TULP4: variants seen among roughly 807,000 people sequenced by gnomAD.
TULP4 encodes the protein tubby-related protein 4.
A neutral mutation model predicts 129.0 loss-of-function variants in TULP4; 16 were observed. That is an observed-to-expected ratio of 0.12 (90% confidence interval 0.08 to 0.19). The LOEUF is 0.19. Ranked by LOEUF, TULP4 falls within the 10% of genes least tolerant of loss-of-function variation. The pLI is 1.00. For missense variants in TULP4, 1,842 were observed against 2,059.1 expected, an observed-to-expected ratio of 0.89 and a Z score of 2.04; for synonymous variants, 998 against 854.0, an observed-to-expected ratio of 1.17 and a Z score of -2.94.
intron 8 of TULP4, among the ~76,000 whole-genome samples, chr6:158,488,673 A>G (rs1245203654): frequency 2.6e-5 from 4 of 152,206 alleles, no homozygotes; most frequent in Admixed American, 2.6e-4. Context: ...TGATTGAATG[A>G]TACAGCTTTT....
At chr6:158,476,065 G>C (rs1013858871) in intron 6 of TULP4, among the ~76,000 whole-genome samples, 2 of 152,106 alleles carry the variant, frequency 1.3e-5, no homozygotes, top group African/African-American at 4.8e-5. Context: ...CAGACAAGAG[G>C]GGCAGTTCTT....
chr6:158,434,163 C>T lies in TULP4; in HGVS notation c.543+4266C>T, dbSNP rs1021953805. Among the ~76,000 whole-genome samples, 3 of 152,158 alleles carry T rather than the reference C, an allele frequency of 2.0e-5. No homozygotes were observed. The East Asian group carries it at 5.8e-4, about 29-fold the overall frequency. ...ATATTACCTCATTTAACTGTAGTTA[C>T]CTCTTTACAGGCCCCATCTCCAAAA... is the stretch of plus-strand genomic sequence containing the variant. On this transcript the variant is annotated intron_variant, in intron 3 of 13. Coordinates refer to ENST00000367097, the MANE Select transcript of TULP4 (RefSeq NM_020245.5).
intron 3 of TULP4, among the ~76,000 whole-genome samples, chr6:158,442,709 A>G (rs911630661): frequency 1.3e-5 from 2 of 152,196 alleles, no homozygotes; most frequent in South Asian, 4.1e-4. Flanking sequence ...AATGTTCCAC[A>G]GGACATTTGA....
At chr6:158,278,936 T>G (rs938736724), upstream of TULP4, among the ~76,000 whole-genome samples, 2 of 97,684 alleles carry the variant, frequency 2.0e-5, no homozygotes, top group East Asian at 3.0e-4. Flanking sequence ...TTGTTGTTTT[T>G]TTTTGTTTTT....
chr6:158,247,402 T>C (rs1190776788), intron 1 of TULP4, among the ~76,000 whole-genome samples: 6 of 152,260 alleles, frequency 3.9e-5, no homozygotes, highest in Non-Finnish European at 8.8e-5. Context: ...AGCTAGTTAC[T>C]AGTTGGAACA....
intron 3 of TULP4, 129 bp from the exon 4 acceptor site, chr6:158,448,867 G>A (rs1384407621): frequency 2.2e-6 from 2 of 916,832 alleles, no homozygotes; most frequent in African/African-American, 1.7e-5. Flanking sequence ...TCACTGTGCT[G>A]TTGTTACTTA....
rs1778010654 is a variant in TULP4, at chr6:158,408,260, A to T, written c.253-4805A>T. Among the ~76,000 whole-genome samples, 4 of 152,178 alleles carry T rather than the reference A, an allele frequency of 2.6e-5. No homozygotes were observed. In the South Asian group the frequency reaches 8.3e-4, roughly 32 times the overall value. On this transcript the variant is annotated intron_variant, in intron 1 of 13. Transcript: ENST00000367097. ...TACTCACCAGGCGGCAAGGGGCAGA[A>T]GGGTGTTCCTGGCCAAGGGTGGCAC...
At chr6:158,498,104 C>G (rs1008383954) in intron 11 of TULP4, among the ~76,000 whole-genome samples, 18 of 152,160 alleles carry the variant, frequency 1.2e-4, no homozygotes, top group African/African-American at 4.3e-4. Context: ...TGTGGAAATT[C>G]CCTATAAATC....
chr6:158,288,143 GAAT>G (rs1170448930), intron 1 of TULP4, among the ~76,000 whole-genome samples: 1 of 152,170 alleles, frequency 6.6e-6, no homozygotes, highest in Non-Finnish European at 1.5e-5. Context: ...GAGAAAATGG[GAAT>G]AATGATTCCT....
intron 1 of TULP4, among the ~76,000 whole-genome samples, chr6:158,337,072 T>TTTCTTTCTTTTC (rs1271035117): frequency 3.9e-4 from 1 of 2,558 alleles, no homozygotes; most frequent in Non-Finnish European, 1.1e-3. Context: ...TCTTTCTTTC[T>TTTCTTTCTTTTC]TTTCTTTCTT....
At chr6:158,489,239 A>G (rs1780139865) in intron 8 of TULP4, among the ~76,000 whole-genome samples, 1 of 152,200 alleles carries the variant, frequency 6.6e-6, no homozygotes, top group Non-Finnish European at 1.5e-5. Context: ...CCCTCAGCCC[A>G]GGTTCTGTGG....
chr6:158,345,405 A>G (rs1377695309), intron 1 of TULP4, among the ~76,000 whole-genome samples: 1 of 152,130 alleles, frequency 6.6e-6, no homozygotes, highest in East Asian at 1.9e-4. Flanking sequence ...GGGGGAACCC[A>G]CCCCCAATAT....
chr6:158,453,291 C>T (rs769965498), intron 5 of TULP4, among the ~76,000 whole-genome samples: 2 of 151,728 alleles, frequency 1.3e-5, no homozygotes, highest in African/African-American at 2.4e-5. Context: ...CATGGTGAAA[C>T]CCCATCTCTA....
At chr6:158,498,436 G>A (rs1328623985) in intron 11 of TULP4, among the ~76,000 whole-genome samples, 1 of 152,226 alleles carries the variant, frequency 6.6e-6, no homozygotes, top group Non-Finnish European at 1.5e-5. Flanking sequence ...TGGCAAGGAG[G>A]CCAAGCTAGA....
intron 8 of TULP4, among the ~76,000 whole-genome samples, chr6:158,485,095 G>C (rs138353813): frequency 3.9e-5 from 6 of 152,202 alleles, no homozygotes; most frequent in Non-Finnish European, 7.3e-5. Flanking sequence ...TGGATGAAAG[G>C]TGATCCTATA....
chr6:158,243,125 T>C (rs1390826635), intron 1 of TULP4, among the ~76,000 whole-genome samples: 2 of 152,156 alleles, frequency 1.3e-5, no homozygotes, highest in Non-Finnish European at 2.9e-5. Context: ...CAGTGGAGAC[T>C]GGTGTAATAA....
At chr6:158,284,016 C>G (rs915488371) in intron 1 of TULP4, among the ~76,000 whole-genome samples, 3 of 152,140 alleles carry the variant, frequency 2.0e-5, no homozygotes, top group African/African-American at 7.2e-5. Flanking sequence ...CTGGAAAACT[C>G]TCCTACTCTA....
chr6:158,270,516 C>T (rs1583692296), intron 1 of TULP4, among the ~76,000 whole-genome samples: 1 of 152,200 alleles, frequency 6.6e-6, no homozygotes, highest in Non-Finnish European at 1.5e-5. Context: ...GCCTGTTCGG[C>T]CTGTGGTGGG....
At chr6:158,337,701 C>A (rs1475786215) in intron 1 of TULP4, among the ~76,000 whole-genome samples, 2 of 152,138 alleles carry the variant, frequency 1.3e-5, no homozygotes, top group African/African-American at 4.8e-5. Context: ...GTGTCAAGTG[C>A]ACTGGATACC....
Sources: allele counts gnomAD v4.1 joint callset (sites outside exome capture counted in the v4.1 genomes callset), GRCh38; gene constraint gnomAD v4.1.1; transcripts MANE v1.5; gene names NCBI Gene and HGNC (gene_info 2026-07-23, HGNC 2026-07-21).